HS2ST1: variants seen among roughly 807,000 people sequenced by gnomAD.
HS2ST1 encodes the protein heparan sulfate 2-O-sulfotransferase 1.
Under a neutral mutation model 42.9 loss-of-function variants are expected in HS2ST1, and 18 were observed. The ratio of observed to expected loss-of-function variants is 0.42; its 90% confidence interval spans 0.29 to 0.62. The LOEUF (loss-of-function observed/expected upper bound fraction) is 0.62. Among genes scored for constraint, HS2ST1 ranks in the 20% least tolerant of loss-of-function variants. HS2ST1 has a pLI of 0.21. For synonymous variants in HS2ST1, 146 were observed against 152.9 expected, an observed-to-expected ratio of 0.95 and a Z score of 0.33; for missense variants, 334 against 433.8, an observed-to-expected ratio of 0.77 and a Z score of 2.04.
chr1:87,081,815 G>A (rs746718715), intron 2 of HS2ST1, among the ~76,000 whole-genome samples: 2 of 151,588 alleles, frequency 1.3e-5, no homozygotes, highest in South Asian at 2.1e-4. Flanking sequence ...GTGAAACCCC[G>A]TCTCTACTTA....
chr1:86,997,885 C>A (rs753829739), intron 1 of HS2ST1, among the ~76,000 whole-genome samples: 19 of 152,092 alleles, frequency 1.2e-4, no homozygotes, highest in Non-Finnish European at 2.4e-4. Context: ...CTTTTGAATT[C>A]TTTATTTCTG....
intron 1 of HS2ST1, among the ~76,000 whole-genome samples, chr1:87,070,807 TTATCTTTTCCTA>T (rs1651383963): frequency 6.6e-6 from 1 of 152,188 alleles, no homozygotes; most frequent in African/African-American, 2.4e-5. Flanking sequence ...ATTTTATGGA[TTATCTTTTCCTA>T]CTTGCCTTTT....
chr1:87,082,967 A>G (rs1651729204), intron 2 of HS2ST1, among the ~76,000 whole-genome samples: 1 of 152,198 alleles, frequency 6.6e-6, no homozygotes, highest in Non-Finnish European at 1.5e-5. Context: ...TTGAGAGGCC[A>G]AGTAAGGCAT....
intron 1 of HS2ST1, among the ~76,000 whole-genome samples, chr1:87,056,767 A>G (rs955835443): frequency 2.0e-5 from 3 of 152,214 alleles, no homozygotes; most frequent in Admixed American, 6.5e-5. Context: ...ATAACTCCGT[A>G]TACCAATATT....
intron 4 of HS2ST1, among the ~76,000 whole-genome samples, chr1:87,095,870 A>G (rs1323324926): frequency 1.3e-5 from 2 of 152,016 alleles, no homozygotes. Flanking sequence ...AATGCACATA[A>G]CTATTTCTCC....
intron 1 of HS2ST1, among the ~76,000 whole-genome samples, chr1:87,038,493 G>A (rs1650438576): frequency 6.6e-6 from 1 of 152,028 alleles, no homozygotes; most frequent in Admixed American, 6.6e-5. Context: ...TAAAATTAAG[G>A]ATTATAAAAC....
intron 1 of HS2ST1, among the ~76,000 whole-genome samples, chr1:87,008,882 C>T (rs1649514695): frequency 6.6e-6 from 1 of 152,162 alleles, no homozygotes; most frequent in African/African-American, 2.4e-5. Flanking sequence ...CTCAGTCTGT[C>T]ACCCAGGCTA....
Position 87,084,184 on chromosome 1 carries a change from C to G in HS2ST1, c.364-10C>G. The G allele has an allele frequency of 5.2e-6, 8 of 1,534,924 alleles. No homozygotes were observed. Among genetic ancestry groups the G allele is most frequent in the Non-Finnish European group, 7.1e-6 (8 of 1,122,276 alleles). ...AAATTGTATATAATGAATGTGTTCTCCCTTTTTAGGTGCGCTTTGTAAAGA... is the reference window on the plus strand; with the variant it reads ...AAATTGTATATAATGAATGTGTTCTGCCTTTTTAGGTGCGCTTTGTAAAGA... On this transcript the variant is annotated splice_polypyrimidine_tract_variant and intron_variant, in intron 2 of 6. Coordinates refer to ENST00000370550, the MANE Select transcript of HS2ST1 (RefSeq NM_012262.4).
intron 1 of HS2ST1, among the ~76,000 whole-genome samples, chr1:87,009,735 C>G (rs1649540661): frequency 6.6e-6 from 1 of 152,032 alleles, no homozygotes; most frequent in Admixed American, 6.6e-5. Flanking sequence ...TGTCATGGCT[C>G]TTAAAACTTC....
Position 87,048,779 on chromosome 1 carries a change from A to G in HS2ST1, c.125-24155A>G, listed in dbSNP as rs189398474. Among the ~76,000 whole-genome samples the G allele has an allele frequency of 4.2e-4, 64 of 152,264 alleles. No homozygotes were observed. In the East Asian group the frequency reaches 8.5e-3, roughly 20 times the overall value. ...TAGCTTATTTAATAAGGTAAGTTAC[A>G]TTGACTTTTGCATGTTAAACCAATC... On this transcript the variant is annotated intron_variant, in intron 1 of 6. Coordinates refer to ENST00000370550, the MANE Select transcript of HS2ST1 (RefSeq NM_012262.4).
rs549032187 is a variant in HS2ST1, at chr1:86,923,160, G to C, written c.124+8000G>C. On this transcript the variant is annotated intron_variant, in intron 1 of 6. Coordinates refer to ENST00000370550, the MANE Select transcript of HS2ST1 (RefSeq NM_012262.4). Reference sequence around the variant, plus strand: ...GGCGTTGCCTCCCACTCCTCCCCCTGCCCTTCTAGAAGTTTAATATAGGTC... The same window carrying C: ...GGCGTTGCCTCCCACTCCTCCCCCTCCCCTTCTAGAAGTTTAATATAGGTC... Among the ~76,000 whole-genome samples, 3 of 152,130 alleles carry C rather than the reference G, an allele frequency of 2.0e-5. No individual in the cohort carries two copies. The South Asian group carries it at 6.2e-4, about 32-fold the overall frequency.
chr1:87,092,040 A>C (rs1255380327), intron 3 of HS2ST1, among the ~76,000 whole-genome samples: 1 of 152,076 alleles, frequency 6.6e-6, no homozygotes, highest in African/African-American at 2.4e-5. Context: ...AGAAGTGAGA[A>C]ATCATTGCTA....
intron 3 of HS2ST1, among the ~76,000 whole-genome samples, chr1:87,086,392 T>C (rs886737421): frequency 6.6e-6 from 1 of 152,210 alleles, no homozygotes; most frequent in Admixed American, 6.6e-5. Flanking sequence ...TTCAGACTCG[T>C]GTTGTTCAAG....
At chr1:86,975,419 A>G (rs1648369453) in intron 1 of HS2ST1, among the ~76,000 whole-genome samples, 1 of 152,104 alleles carries the variant, frequency 6.6e-6, no homozygotes, top group East Asian at 1.9e-4. Context: ...AGATAAAATT[A>G]TTTGGTAGCT....
intron 2 of HS2ST1, among the ~76,000 whole-genome samples, chr1:87,079,449 ATGCTCAGAC>A (rs1411930880): frequency 6.6e-6 from 1 of 152,174 alleles, no homozygotes; most frequent in East Asian, 1.9e-4. Flanking sequence ...ACACTTTCAA[ATGCTCAGAC>A]TGTTTTCTAG....
chr1:86,995,357 AATT>A (rs1312591291), intron 1 of HS2ST1, among the ~76,000 whole-genome samples: 1 of 152,182 alleles, frequency 6.6e-6, no homozygotes, highest in African/African-American at 2.4e-5. Context: ...GAATATTAAT[AATT>A]TACCAGGATT....
intron 1 of HS2ST1, among the ~76,000 whole-genome samples, chr1:86,963,989 C>T (rs138754293): frequency 0.024 from 3,628 of 151,736 alleles, 46 homozygotes; most frequent in South Asian, 0.054. Context: ...GGGCTCCTCA[C>T]TTCTCAGACA....
rs1390434506 is a variant in HS2ST1, at chr1:86,985,413, T to C, written c.124+70253T>C. ...ACACACACACACATATATATACACA[T>C]ATATATACACATATATACACACATA... is the stretch of plus-strand genomic sequence containing the variant. On this transcript the variant is annotated intron_variant, in intron 1 of 6. Transcript: ENST00000370550. 2.6e-4 allele frequency among the ~76,000 whole-genome samples: 15 copies of C among 57,138 alleles called. 2 individuals carry two copies. In the South Asian group the frequency reaches 3.1e-3, roughly 12 times the overall value. The allele number at this position is 57,138 out of a possible 152,430, so 37.5% of individuals were successfully genotyped here.
chr1:86,954,208 G>T (rs890244008), intron 1 of HS2ST1, among the ~76,000 whole-genome samples: 1 of 151,994 alleles, frequency 6.6e-6, no homozygotes, highest in Non-Finnish European at 1.5e-5. Flanking sequence ...AATCAGCCTG[G>T]CGTGGTGGCA....
Sources: allele counts gnomAD v4.1 joint callset (sites outside exome capture counted in the v4.1 genomes callset), GRCh38; gene constraint gnomAD v4.1.1; transcripts MANE v1.5; gene names NCBI Gene and HGNC (gene_info 2026-07-23, HGNC 2026-07-21).